SPRED2: variants seen among roughly 807,000 people sequenced by gnomAD.
SPRED2 encodes the protein sprouty related EVH1 domain containing 2, also known as sprouty-related, EVH1 domain-containing protein 2.
A neutral mutation model predicts 43.0 loss-of-function variants in SPRED2; 47 were observed. The observed-to-expected ratio is 1.09, with a 90% CI of 0.87 to 1.40. SPRED2 has a LOEUF of 1.40. Ranked by LOEUF, SPRED2 falls within the 40% of genes most tolerant of loss-of-function variation. The pLI is 0.00. For missense variants in SPRED2, 561 were observed against 586.4 expected, an observed-to-expected ratio of 0.96 and a Z score of 0.45; for synonymous variants, 225 against 225.7, an observed-to-expected ratio of 1.00 and a Z score of 0.03.
rs763845351 is a variant in SPRED2 at position 65,311,798 on chromosome 2, G to A, written c.*1703C>T. 1 of 985,442 alleles carries A rather than the reference G, an allele frequency of 1.0e-6. No homozygotes were observed. The highest frequency in any genetic ancestry group is 1.2e-6 in the Non-Finnish European group (1 of 829,946). 61.0% of individuals were successfully genotyped at this position (985,442 alleles called of 1,614,324 possible). A position where few individuals can be genotyped will look rare whatever the true frequency, so the allele number is the denominator to read the frequency against. On this transcript the variant is annotated 3_prime_UTR_variant, in exon 6 of 6. Transcript: ENST00000356388. ...CGGTAATCTACTAAAGAAAATCGAT[G>A]AGCTTGTGGACGAGCTGGAAACAGC...
Position 65,315,583 on chromosome 2 carries a change from G to A in SPRED2, c.588+1151C>T, listed in dbSNP as rs144282249. 3.4e-3 allele frequency among the ~76,000 whole-genome samples: 523 copies of A among 152,238 alleles called. 4 individuals are homozygous for A. Among genetic ancestry groups the A allele is most frequent in the African/African-American group, 0.012 (496 of 41,540 alleles). On this transcript the variant is annotated intron_variant, in intron 5 of 5. Coordinates refer to ENST00000356388, the MANE Select transcript of SPRED2 (RefSeq NM_181784.3). ...AAAACAAATCTCGGAAACTGACACG[G>A]GCTTTACTAATTCTTTATTTTGGAC...
intron 1 of SPRED2, chr2:65,366,757 A>C (rs1485724229): frequency 6.8e-7 from 1 of 1,463,242 alleles, no homozygotes; most frequent in Middle Eastern, 1.8e-4. Context: ...CTCCTTGACA[A>C]ATATACTGCA....
At chr2:65,319,950 G>A (rs1048594704) in intron 4 of SPRED2, among the ~76,000 whole-genome samples, 1 of 152,094 alleles carries the variant, frequency 6.6e-6, no homozygotes, top group Non-Finnish European at 1.5e-5. Flanking sequence ...TCACAGCCAG[G>A]TAAGTCCACT....
chr2:65,372,545 T>C (rs919482923), intron 1 of SPRED2, among the ~76,000 whole-genome samples: 1 of 152,044 alleles, frequency 6.6e-6, no homozygotes, highest in African/African-American at 2.4e-5. Context: ...CAAAAGAGTG[T>C]TGAGGACCAA....
At position 65,311,111 on chromosome 2, in the gene SPRED2, C is replaced by A. The variant is rs987576632; in HGVS notation, c.*2390G>T. 8.1e-6 allele frequency: 8 copies of A among 985,738 alleles called. No individual in the cohort carries two copies. The East Asian group carries it at 9.1e-4, about 112-fold the overall frequency. 61.1% of individuals were successfully genotyped at this position (985,738 alleles called of 1,614,324 possible). Reference sequence around the variant, plus strand: ...CAAATAGCTTGGGGGGTCGGGGAGGCTTCTGGACAGAAAATCTTTTGGTTA... The same window carrying A: ...CAAATAGCTTGGGGGGTCGGGGAGGATTCTGGACAGAAAATCTTTTGGTTA... On this transcript the variant is annotated 3_prime_UTR_variant, in exon 6 of 6. Transcript: ENST00000356388.
chr2:65,334,080 G>C (rs761073787), intron 3 of SPRED2: 1 of 388,568 alleles, frequency 2.6e-6, no homozygotes, highest in Non-Finnish European at 5.2e-6. Context: ...TCCAGGCCAC[G>C]ATCAGATGTA....
chr2:65,394,555 G>A (rs10186481), intron 1 of SPRED2, among the ~76,000 whole-genome samples: 10,565 of 152,110 alleles, frequency 0.069, 1,049 homozygotes, highest in African/African-American at 0.21. Flanking sequence ...AACATTCATC[G>A]GACCACTGGA....
At chr2:65,357,856 C>A (rs1282346190) in intron 1 of SPRED2, among the ~76,000 whole-genome samples, 2 of 152,162 alleles carry the variant, frequency 1.3e-5, no homozygotes, top group Admixed American at 1.3e-4. Flanking sequence ...CATCTTCTCA[C>A]AACCGGGTGA....
Position 65,361,101 on chromosome 2 carries a change from T to G in SPRED2, c.27-16205A>C, listed in dbSNP as rs72896516. On this transcript the variant is annotated intron_variant, in intron 1 of 5. Transcript: ENST00000356388. ...GTAAACATTAACACTATTTAAAAAG[T>G]TAACTTTCCCCTAATTACAAAAGTA... Among the ~76,000 whole-genome samples the G allele has an allele frequency of 2.4e-3, 361 of 152,314 alleles. 4 individuals carry two copies. Among genetic ancestry groups the G allele is most frequent in the African/African-American group, 8.5e-3 (353 of 41,572 alleles).
At chr2:65,421,521 A>T (rs1676421561) in intron 1 of SPRED2, among the ~76,000 whole-genome samples, 1 of 152,344 alleles carries the variant, frequency 6.6e-6, no homozygotes, top group South Asian at 2.1e-4. Context: ...AAGCACGGCT[A>T]CAGGATCCTC....
chr2:65,409,745 G>C (rs1167930017), intron 1 of SPRED2, among the ~76,000 whole-genome samples: 1 of 143,922 alleles, frequency 6.9e-6, no homozygotes, highest in Non-Finnish European at 1.5e-5. Context: ...ACTTTCAAGA[G>C]AAATTTTAGG....
At chr2:65,393,203 G>GA (rs1675677569) in intron 1 of SPRED2, among the ~76,000 whole-genome samples, 1 of 151,950 alleles carries the variant, frequency 6.6e-6, no homozygotes, top group Admixed American at 6.6e-5. Flanking sequence ...CCAATGTTGC[G>GA]AATGTGGCAT....
chr2:65,426,927 C>T (rs995488348), intron 1 of SPRED2, among the ~76,000 whole-genome samples: 25 of 152,190 alleles, frequency 1.6e-4, no homozygotes, highest in Non-Finnish European at 3.5e-4. Context: ...AGACCACAAC[C>T]AGCTGATGGA....
intron 4 of SPRED2, among the ~76,000 whole-genome samples, chr2:65,323,824 C>G (rs185792176): frequency 1.7e-3 from 264 of 152,022 alleles, no homozygotes; most frequent in Middle Eastern, 0.01. Flanking sequence ...TGCAGTGAGC[C>G]GAGATCGCGC....
chr2:65,432,114 T>C lies in SPRED2; in HGVS notation c.-127A>G. 8.2e-7 allele frequency: 1 copy of C among 1,225,498 alleles called. No homozygotes were observed. 75.9% of individuals were successfully genotyped at this position (1,225,498 alleles called of 1,614,324 possible). A position where few individuals can be genotyped will look rare whatever the true frequency, so the allele number is the denominator to read the frequency against. Reference sequence around the variant, plus strand: ...TTTGGGGAGGGGGGGCGGCTAGAGATGAAGAGGGCGCCGCAGCAGAAGGGG... The same window carrying C: ...TTTGGGGAGGGGGGGCGGCTAGAGACGAAGAGGGCGCCGCAGCAGAAGGGG... On this transcript the variant is annotated 5_prime_UTR_variant, in exon 1 of 6. Coordinates refer to ENST00000356388, the MANE Select transcript of SPRED2 (RefSeq NM_181784.3).
chr2:65,424,526 C>A (rs1431349352), intron 1 of SPRED2, among the ~76,000 whole-genome samples: 1 of 152,042 alleles, frequency 6.6e-6, no homozygotes, highest in Non-Finnish European at 1.5e-5. Context: ...ACTTGGGAGG[C>A]TGAGATGGGA....
chr2:65,391,899 G>A (rs558028077), intron 1 of SPRED2, among the ~76,000 whole-genome samples: 1 of 152,194 alleles, frequency 6.6e-6, no homozygotes, highest in African/African-American at 2.4e-5. Flanking sequence ...CATTGCATTA[G>A]TTGAAATTTG....
chr2:65,427,708 A>T (rs1317776916), intron 1 of SPRED2, among the ~76,000 whole-genome samples: 1 of 152,252 alleles, frequency 6.6e-6, no homozygotes, highest in Non-Finnish European at 1.5e-5. Context: ...GAAGTGAGAA[A>T]AATGATGGCA....
intron 1 of SPRED2, among the ~76,000 whole-genome samples, chr2:65,425,972 G>T (rs920380374): frequency 4.6e-5 from 7 of 152,206 alleles, no homozygotes; most frequent in Admixed American, 1.3e-4. Flanking sequence ...GTGTTCAGCC[G>T]GCAATACAAG....
Sources: gnomAD v4.1 joint callset for allele counts (sites outside exome capture counted in the v4.1 genomes callset) on GRCh38, gnomAD v4.1.1 for gene constraint, MANE v1.5 for transcripts, NCBI Gene and HGNC (gene_info 2026-07-23, HGNC 2026-07-21) for gene names.